Variants in RAB31 observed in about 807,000 individuals in gnomAD.
RAB31 encodes the protein RAB31, member RAS oncogene family.
RAB31 carries 21 observed loss-of-function variants against 25.6 expected under a neutral mutation model. The observed-to-expected ratio is 0.82, with a 90% CI of 0.58 to 1.18. The LOEUF is 1.18. Among genes scored for constraint, RAB31 ranks in the 50% most tolerant of loss-of-function variants. The probability of loss-of-function intolerance (pLI) is 0.00; values close to 1 mark genes in which losing one functional copy is unlikely to be tolerated. For synonymous variants in RAB31, 87 were observed against 84.0 expected, an observed-to-expected ratio of 1.04 and a Z score of -0.20; for missense variants, 196 against 250.1, an observed-to-expected ratio of 0.78 and a Z score of 1.46.
rs2068366825 is a variant in RAB31 at position 9,775,373 on chromosome 18, T to G, written c.119+16T>G. 5 of 1,613,642 alleles carry G rather than the reference T, an allele frequency of 3.1e-6. No homozygotes were observed. In the African/African-American group the frequency reaches 4.0e-5, roughly 13 times the overall value. The stretch of plus-strand genomic sequence containing the variant: ...CTACTATTGGGTAAGTTCCTGTATG[T>G]CATTCTCCTTCGCGTTGCTTCCTTT... On this transcript the variant is annotated intron_variant, in intron 2 of 6. Transcript: ENST00000578921.
chr18:9,810,038 C>A (rs531625899), intron 3 of RAB31, among the ~76,000 whole-genome samples: 23 of 152,344 alleles, frequency 1.5e-4, no homozygotes, highest in Non-Finnish European at 2.1e-4. Context: ...ATCACACACA[C>A]TAAGGACATA....
At chr18:9,761,811 T>C (rs1599028246) in intron 1 of RAB31, among the ~76,000 whole-genome samples, 1 of 152,096 alleles carries the variant, frequency 6.6e-6, no homozygotes, top group African/African-American at 2.4e-5. Context: ...CATTTGTTTA[T>C]TTATTTATTT....
At chr18:9,716,999 G>A (rs113238998) in intron 1 of RAB31, among the ~76,000 whole-genome samples, 22,597 of 150,236 alleles carry the variant, frequency 0.15, 1,752 homozygotes, top group Middle Eastern at 0.22. Context: ...GGGCTCAAGC[G>A]ATCCTCCCAC....
At chr18:9,804,700 T>C (rs733570) in intron 3 of RAB31, among the ~76,000 whole-genome samples, 61,486 of 152,018 alleles carry the variant, frequency 0.4, 12,535 homozygotes, top group African/African-American at 0.45. Context: ...GAAGAACCTG[T>C]TCCTGAGGCG....
At chr18:9,759,254 TCAA>T in intron 1 of RAB31, among the ~76,000 whole-genome samples, 1 of 152,228 alleles carries the variant, frequency 6.6e-6, no homozygotes, top group African/African-American at 2.4e-5. Flanking sequence ...TAGTGCAGCC[TCAA>T]CCTCCTGGGC....
rs199810172 is a variant in RAB31, at chr18:9,735,498, C to T, written c.39+27054C>T. 2.0e-4 allele frequency: 41 copies of T among 207,052 alleles called. No homozygotes were observed. In the East Asian group the frequency reaches 4.2e-3, roughly 21 times the overall value. The allele number at this position is 207,052 out of a possible 1,614,324, so 12.8% of individuals were successfully genotyped here. The stretch of plus-strand genomic sequence containing the variant: ...GTTGATCCTGTGGTGGTGCACACCA[C>T]CTGCATTACCACAGCCTCCACGGTG... On this transcript the variant is annotated intron_variant, in intron 1 of 6. Transcript: ENST00000578921.
At chr18:9,833,229 G>A (rs991412398) in intron 5 of RAB31, among the ~76,000 whole-genome samples, 4 of 152,198 alleles carry the variant, frequency 2.6e-5, no homozygotes, top group Non-Finnish European at 2.9e-5. Context: ...CAGCCGCTCC[G>A]GGAAGAAAAT....
chr18:9,780,957 C>CAAAAG (rs2068400771), intron 2 of RAB31, among the ~76,000 whole-genome samples: 1 of 136,452 alleles, frequency 7.3e-6, no homozygotes, highest in Non-Finnish European at 1.5e-5. Context: ...CAAAACAGAA[C>CAAAAG]AAAACAAAAC....
At chr18:9,782,139 C>A (rs1020129248) in intron 2 of RAB31, among the ~76,000 whole-genome samples, 1 of 152,242 alleles carries the variant, frequency 6.6e-6, no homozygotes, top group African/African-American at 2.4e-5. Context: ...GGTATTGTTA[C>A]TATTATGTTC....
Position 9,764,455 on chromosome 18 carries a change from C to T in RAB31, c.40-10823C>T, listed in dbSNP as rs147861332. Among the ~76,000 whole-genome samples the T allele has an allele frequency of 7.2e-4, 110 of 152,198 alleles. 1 individual carries two copies. Among genetic ancestry groups the T allele is most frequent in the Middle Eastern group, 3.4e-3 (1 of 294 alleles). On this transcript the variant is annotated intron_variant, in intron 1 of 6. Transcript: ENST00000578921. ...TGGGAAATCTGAGTCTTGACTCTGC[C>T]CTTACTAGTTACAGGCCCACTGGGA...
chr18:9,842,875 A>G (rs1410789303), intron 5 of RAB31, among the ~76,000 whole-genome samples: 2 of 152,210 alleles, frequency 1.3e-5, no homozygotes, highest in Non-Finnish European at 2.9e-5. Flanking sequence ...ACTCACCTCT[A>G]GCCATGGAAG....
chr18:9,820,691 T>C (rs982180944), intron 5 of RAB31, among the ~76,000 whole-genome samples: 1 of 152,068 alleles, frequency 6.6e-6, no homozygotes. Flanking sequence ...TTTTTCTTAA[T>C]CCCATGACCA....
chr18:9,857,007 CA>C (rs1315774324), intron 6 of RAB31, among the ~76,000 whole-genome samples: 1 of 152,052 alleles, frequency 6.6e-6, no homozygotes, highest in African/African-American at 2.4e-5. Flanking sequence ...AAAAGAATAG[CA>C]TGTCCAGAAA....
At chr18:9,718,797 C>T (rs973281367) in intron 1 of RAB31, among the ~76,000 whole-genome samples, 2 of 151,638 alleles carry the variant, frequency 1.3e-5, no homozygotes, top group African/African-American at 4.9e-5. Flanking sequence ...GGTAAGGGAG[C>T]TCCCTGGGGC....
intron 3 of RAB31, 46 bp downstream of exon 3, chr18:9,792,281 A>C (rs189002318): frequency 3.2e-6 from 5 of 1,570,918 alleles, no homozygotes; most frequent in East Asian, 2.3e-5. Flanking sequence ...CAGTGAAAAT[A>C]AGATCAGTTT....
At chr18:9,756,727 A>G (rs2068261931) in intron 1 of RAB31, among the ~76,000 whole-genome samples, 1 of 152,242 alleles carries the variant, frequency 6.6e-6, no homozygotes, top group South Asian at 2.1e-4. Context: ...CATCTATGAT[A>G]ATGCTTGGCA....
chr18:9,851,976 T>G (rs188118645), intron 6 of RAB31, among the ~76,000 whole-genome samples: 15 of 151,628 alleles, frequency 9.9e-5, no homozygotes, highest in African/African-American at 3.4e-4. Context: ...TATTTCAATA[T>G]ATATAATGAT....
intron 3 of RAB31, among the ~76,000 whole-genome samples, chr18:9,803,791 A>G (rs1410515924): frequency 2.6e-5 from 4 of 152,164 alleles, no homozygotes; most frequent in Non-Finnish European, 5.9e-5. Flanking sequence ...GCATGAGGGG[A>G]CCCTGACGGC....
chr18:9,726,375 A>T (rs2068096224), intron 1 of RAB31, among the ~76,000 whole-genome samples: 1 of 152,188 alleles, frequency 6.6e-6, no homozygotes, highest in Non-Finnish European at 1.5e-5. Flanking sequence ...TGGAGGGCAG[A>T]TGAGCCCTGG....
Sources: allele counts gnomAD v4.1 joint callset (sites outside exome capture counted in the v4.1 genomes callset), GRCh38; gene constraint gnomAD v4.1.1; transcripts MANE v1.5; gene names NCBI Gene and HGNC (gene_info 2026-07-23, HGNC 2026-07-21).